Variants in MAML3 observed in about 807,000 individuals in gnomAD.
The protein encoded by MAML3 is mastermind-like protein 3.
In MAML3, 27 loss-of-function variants were observed where a neutral mutation model predicts 101.9. The ratio of observed to expected loss-of-function variants is 0.27; its 90% CI spans 0.20 to 0.37. The LOEUF (loss-of-function observed/expected upper bound fraction) is 0.37, where lower values mean the gene tolerates loss of function less well. MAML3 is among the 10% of genes least tolerant of loss of function. The pLI is 1.00. For synonymous variants in MAML3, 501 were observed against 555.9 expected, an observed-to-expected ratio of 0.90 and a Z score of 1.39; for missense variants, 1,316 against 1,444.9, an observed-to-expected ratio of 0.91 and a Z score of 1.45.
intron 1 of MAML3, among the ~76,000 whole-genome samples, chr4:140,060,978 G>A (rs1215134249): frequency 6.6e-6 from 1 of 152,134 alleles, no homozygotes; most frequent in East Asian, 1.9e-4. Flanking sequence ...AGCAACTGGA[G>A]CCCCAGAAAT....
At chr4:139,821,318 C>T (rs561409147) in intron 2 of MAML3, among the ~76,000 whole-genome samples, 8 of 152,266 alleles carry the variant, frequency 5.3e-5, no homozygotes, top group Middle Eastern at 3.4e-3. Context: ...AGCATTACCC[C>T]CTAAGCTCCG....
intron 2 of MAML3, among the ~76,000 whole-genome samples, chr4:139,881,698 T>G (rs946203538): frequency 6.6e-6 from 1 of 152,170 alleles, no homozygotes; most frequent in Non-Finnish European, 1.5e-5. Flanking sequence ...CAGGAAAGCT[T>G]AATTGTATTT....
intron 2 of MAML3, among the ~76,000 whole-genome samples, chr4:139,841,522 C>T (rs746682477): frequency 1.2e-4 from 18 of 152,242 alleles, no homozygotes; most frequent in Non-Finnish European, 2.1e-4. Context: ...TGCTGCTTCA[C>T]TATCGGCGCT....
Position 139,889,836 on chromosome 4 carries a change from C to T in MAML3, c.1600G>A (p.Ala534Thr), listed in dbSNP as rs745581763. 8.7e-6 allele frequency: 14 copies of T among 1,613,626 alleles called. No individual in the cohort carries two copies. The East Asian group carries it at 2.9e-4, about 33-fold the overall frequency. Residue 534 changes from alanine to threonine, a missense_variant, in exon 2 of 5, where the codon GCA (alanine) becomes ACA (threonine). Transcript: ENST00000509479. ...PSSPYGAAFT[A>T]EKPNSPMMYP... ...ATCATTGGGCTATTTGGTTTTTCTG[C>T]AGTAAAAGCTGCTCCATATGGACTA...
chr4:139,771,175 G>A (rs949127458), intron 2 of MAML3, among the ~76,000 whole-genome samples: 13 of 152,172 alleles, frequency 8.5e-5, no homozygotes, highest in African/African-American at 3.1e-4. Context: ...CACATCAAAC[G>A]AGAAGCCCTT....
At chr4:139,734,094 G>A (rs1429332936) in intron 2 of MAML3, among the ~76,000 whole-genome samples, 4 of 152,178 alleles carry the variant, frequency 2.6e-5, no homozygotes, top group Non-Finnish European at 4.4e-5. Flanking sequence ...TACAGCCCCC[G>A]ACTCTGAGGT....
intron 2 of MAML3, among the ~76,000 whole-genome samples, chr4:139,879,973 GA>G (rs1307846431): frequency 6.6e-6 from 1 of 152,076 alleles, no homozygotes; most frequent in Non-Finnish European, 1.5e-5. Flanking sequence ...AGGAGTTTGT[GA>G]CCAGCCTGGG....
At chr4:139,808,706 C>T (rs975600544) in intron 2 of MAML3, among the ~76,000 whole-genome samples, 2 of 152,218 alleles carry the variant, frequency 1.3e-5, no homozygotes, top group African/African-American at 4.8e-5. Context: ...TCCCAACATC[C>T]CCTCCCAAAC....
At chr4:139,778,982 C>CAA (rs67782985) in intron 2 of MAML3, among the ~76,000 whole-genome samples, 2,596 of 100,582 alleles carry the variant, frequency 0.026, 42 homozygotes, top group Middle Eastern at 0.066. Flanking sequence ...GACTCCACCT[C>CAA]AAAAAAAAAA....
chr4:139,966,806 A>G (rs1734141504), intron 1 of MAML3, among the ~76,000 whole-genome samples: 1 of 152,218 alleles, frequency 6.6e-6, no homozygotes, highest in Non-Finnish European at 1.5e-5. Flanking sequence ...AATACCCATC[A>G]TGAAAGGAAA....
chr4:139,858,778 G>A (rs771017812), intron 2 of MAML3, among the ~76,000 whole-genome samples: 3 of 152,236 alleles, frequency 2.0e-5, no homozygotes, highest in Middle Eastern at 6.8e-3. Flanking sequence ...TATGGTTTCC[G>A]CATGTCACTA....
chr4:139,863,902 T>A (rs533404010), intron 2 of MAML3, among the ~76,000 whole-genome samples: 36 of 146,300 alleles, frequency 2.5e-4, no homozygotes, highest in Non-Finnish European at 4.5e-4. Context: ...CCAGAAACAT[T>A]CTTGATGCCA....
intron 2 of MAML3, among the ~76,000 whole-genome samples, chr4:139,822,713 C>T (rs139635224): frequency 9.2e-5 from 14 of 152,330 alleles, no homozygotes; most frequent in African/African-American, 2.2e-4. Flanking sequence ...AGAACAGGCT[C>T]ACTTCAGGAA....
intron 1 of MAML3, among the ~76,000 whole-genome samples, chr4:140,145,166 G>C (rs1016710863): frequency 6.6e-6 from 1 of 152,162 alleles, no homozygotes; most frequent in Non-Finnish European, 1.5e-5. Context: ...TGTTGGGAAA[G>C]GGAAGGAGAG....
chr4:139,995,510 T>G (rs1341783909), intron 1 of MAML3, among the ~76,000 whole-genome samples: 1 of 152,206 alleles, frequency 6.6e-6, no homozygotes, highest in Non-Finnish European at 1.5e-5. Context: ...CTAATTTGAT[T>G]TCCTTACTTA....
intron 1 of MAML3, among the ~76,000 whole-genome samples, chr4:140,132,294 T>C (rs901674011): frequency 6.6e-6 from 1 of 152,264 alleles, no homozygotes; most frequent in African/African-American, 2.4e-5. Context: ...GAAGTTCTTA[T>C]TAGTGTGTTG....
intron 2 of MAML3, among the ~76,000 whole-genome samples, chr4:139,766,647 G>A (rs1269794674): frequency 1.3e-5 from 2 of 152,168 alleles, no homozygotes; most frequent in Admixed American, 1.3e-4. Context: ...AATGGACAAC[G>A]GCTCAGATCT....
At chr4:140,069,560 GA>G in intron 1 of MAML3, among the ~76,000 whole-genome samples, 1 of 98,098 alleles carries the variant, frequency 1.0e-5, no homozygotes, top group African/African-American at 4.2e-5. Flanking sequence ...AGGAGGAGGG[GA>G]GGAGGAGGAG....
intron 2 of MAML3, among the ~76,000 whole-genome samples, chr4:139,844,542 C>T (rs553876541): frequency 2.0e-5 from 3 of 152,338 alleles, no homozygotes; most frequent in African/African-American, 7.2e-5. Flanking sequence ...ATAATTTCTA[C>T]AGGCTTCAGA....
Sources: allele counts gnomAD v4.1 joint callset (sites outside exome capture counted in the v4.1 genomes callset), GRCh38; gene constraint gnomAD v4.1.1; transcripts MANE v1.5; gene names NCBI Gene and HGNC (gene_info 2026-07-23, HGNC 2026-07-21).